The following PTPRR variants were observed in gnomAD, a reference collection of about 807,000 sequenced individuals.
PTPRR encodes receptor-type tyrosine-protein phosphatase R.
PTPRR carries 38 observed loss-of-function variants against 77.2 expected under a neutral mutation model. The observed-to-expected ratio is 0.49, with a 90% CI of 0.38 to 0.65. The LOEUF is 0.65. Ranked by LOEUF, PTPRR falls within the 30% of genes least tolerant of loss-of-function variation. PTPRR has a pLI of 0.00. For missense variants in PTPRR, 744 were observed against 799.2 expected (o/e 0.93, Z 0.83); for synonymous variants, 299 against 283.1 (o/e 1.06, Z -0.57).
chr12:70,729,919 G>T (rs893860018), intron 6 of PTPRR, among the ~76,000 whole-genome samples: 2 of 148,358 alleles, frequency 1.3e-5, no homozygotes, highest in African/African-American at 4.9e-5. Flanking sequence ...TGAGGATTTT[G>T]ACGTTCTAAT....
intron 2 of PTPRR, among the ~76,000 whole-genome samples, chr12:70,813,693 C>A (rs1252014352): frequency 1.3e-5 from 2 of 152,192 alleles, no homozygotes; most frequent in Non-Finnish European, 2.9e-5. Flanking sequence ...GCGTCACCAG[C>A]ACCTCAGCTT....
intron 2 of PTPRR, among the ~76,000 whole-genome samples, chr12:70,818,647 A>ATG (rs1891950417): frequency 6.6e-6 from 1 of 152,196 alleles, no homozygotes; most frequent in Non-Finnish European, 1.5e-5. Flanking sequence ...CATAGTTGTC[A>ATG]TGTTGCCTTA....
chr12:70,777,515 C>A (rs1022359000), intron 2 of PTPRR, among the ~76,000 whole-genome samples: 1 of 152,046 alleles, frequency 6.6e-6, no homozygotes, highest in African/African-American at 2.4e-5. Flanking sequence ...ATTCTCATAA[C>A]CTCCCAGTTT....
intron 2 of PTPRR, among the ~76,000 whole-genome samples, chr12:70,796,967 G>A (rs1040244260): frequency 1.1e-4 from 16 of 152,262 alleles, no homozygotes; most frequent in Admixed American, 2.6e-4. Flanking sequence ...GCTGTGAGCC[G>A]AGACTGCACC....
At chr12:70,843,222 CTT>C (rs1892426353) in intron 2 of PTPRR, among the ~76,000 whole-genome samples, 1 of 152,158 alleles carries the variant, frequency 6.6e-6, no homozygotes, top group African/African-American at 2.4e-5. Flanking sequence ...ATAAACTAGA[CTT>C]TGACTTCTGC....
Position 70,892,900 on chromosome 12 carries a change from G to A in PTPRR, c.136C>T (p.His46Tyr), listed in dbSNP as rs1238999751. Residue 46 changes from histidine to tyrosine, a missense_variant, in exon 2 of 14, where the codon CAT (histidine) becomes TAT (tyrosine). By Grantham distance (83) the His-to-Tyr change is moderately conservative. Around this residue, in one of 3 missense-constraint regions of PTPRR, gnomAD observed 570 missense variants for 573.2 expected, o/e 0.99. Transcript: ENST00000283228. Reference sequence around the variant, plus strand: ...AGGCTCTTCTCAATGTCTTGTGAATGCTTATAAATGAATACCGGCTTCCCA... The same window carrying A: ...AGGCTCTTCTCAATGTCTTGTGAATACTTATAAATGAATACCGGCTTCCCA... ...KSGKPVFIYKHSQDIEKSLDI... is the reference protein window; with the variant it reads ...KSGKPVFIYKYSQDIEKSLDI... 17 of 1,613,486 alleles carry A rather than the reference G, an allele frequency of 1.1e-5. No homozygotes were observed. The highest frequency in any genetic ancestry group is 1.7e-4 in the Middle Eastern group (1 of 6,060).
At chr12:70,748,529 T>G (rs1229401251) in intron 5 of PTPRR, among the ~76,000 whole-genome samples, 1 of 152,008 alleles carries the variant, frequency 6.6e-6, no homozygotes, top group African/African-American at 2.4e-5. Flanking sequence ...AATAAAGTCA[T>G]GTAATAATTT....
chr12:70,868,256 C>A (rs1251281101), intron 2 of PTPRR, among the ~76,000 whole-genome samples: 1 of 150,694 alleles, frequency 6.6e-6, no homozygotes, highest in Admixed American at 6.6e-5. Flanking sequence ...AGGCAACCTA[C>A]AAAATGGGAA....
chr12:70,737,477 A>G (rs1394321320), intron 6 of PTPRR, among the ~76,000 whole-genome samples: 1 of 140,762 alleles, frequency 7.1e-6, no homozygotes, highest in African/African-American at 2.9e-5. Context: ...TTATGGGTCT[A>G]TTTAATGAAT....
intron 2 of PTPRR, among the ~76,000 whole-genome samples, chr12:70,816,171 C>G (rs1424355064): frequency 6.6e-6 from 1 of 152,048 alleles, no homozygotes; most frequent in East Asian, 1.9e-4. Context: ...TTATCTAAAA[C>G]TTTATGACAA....
At chr12:70,834,685 T>C (rs1165537866) in intron 2 of PTPRR, among the ~76,000 whole-genome samples, 1 of 152,176 alleles carries the variant, frequency 6.6e-6, no homozygotes, top group Non-Finnish European at 1.5e-5. Context: ...AATATGTAAT[T>C]ATTGAATAGT....
intron 6 of PTPRR, among the ~76,000 whole-genome samples, chr12:70,716,595 T>C (rs188082234): frequency 2.4e-4 from 36 of 152,322 alleles, no homozygotes; most frequent in African/African-American, 8.7e-4. Context: ...ATGGTAACTT[T>C]TTTCAGCCAC....
chr12:70,665,035 GA>G (rs1886935667), intron 10 of PTPRR, among the ~76,000 whole-genome samples: 1 of 152,146 alleles, frequency 6.6e-6, no homozygotes, highest in Admixed American at 6.5e-5. Context: ...AAAAGAGGCA[GA>G]AAAGGCAGGG....
At chr12:70,899,025 T>C (rs1893484537) in intron 1 of PTPRR, among the ~76,000 whole-genome samples, 1 of 151,350 alleles carries the variant, frequency 6.6e-6, no homozygotes, top group Admixed American at 6.6e-5. Flanking sequence ...TCACCAAAGA[T>C]GAAATAAATA....
chr12:70,900,802 G>A (rs577338884), intron 1 of PTPRR, among the ~76,000 whole-genome samples: 3 of 151,576 alleles, frequency 2.0e-5, no homozygotes, highest in Non-Finnish European at 4.4e-5. Context: ...TTAGGAAAAT[G>A]CAAATTAAAG....
chr12:70,920,477 C>CT lies in PTPRR; in HGVS notation c.-88dup. ...ATTAGAAAGAGCCACCGCCAAGGGT[C>CT]TTCTAGTCTCCGGGATTCAGGTCCT... On this transcript the variant is annotated 5_prime_UTR_variant, in exon 1 of 14. Coordinates refer to ENST00000283228, the MANE Select transcript of PTPRR (RefSeq NM_002849.4). 7.6e-7 allele frequency: 1 copy of CT among 1,310,758 alleles called. No homozygotes were observed. The highest frequency in any genetic ancestry group is 1.1e-6 in the Non-Finnish European group (1 of 931,950). 81.2% of individuals were successfully genotyped at this position (1,310,758 alleles called of 1,614,324 possible).
chr12:70,740,316 T>C (rs1252082377), intron 6 of PTPRR, among the ~76,000 whole-genome samples: 1 of 151,904 alleles, frequency 6.6e-6, no homozygotes, highest in Non-Finnish European at 1.5e-5. Context: ...AGAATCAATA[T>C]GATTTGGCGA....
intron 13 of PTPRR, among the ~76,000 whole-genome samples, chr12:70,643,771 C>CT (rs11390699): frequency 0.18 from 26,699 of 151,082 alleles, 3,457 homozygotes; most frequent in African/African-American, 0.37. Context: ...CTTTTTCTTA[C>CT]TTTTTTTTTC....
chr12:70,638,497 T>C lies in PTPRR; in HGVS notation c.*687A>G, dbSNP rs1885849923. 6.6e-6 allele frequency: 1 copy of C among 152,622 alleles called. No homozygotes were observed. The highest frequency in any genetic ancestry group is 6.5e-5 in the Admixed American group (1 of 15,272). 9.5% of individuals were successfully genotyped at this position (152,622 alleles called of 1,614,324 possible). On this transcript the variant is annotated 3_prime_UTR_variant, in exon 14 of 14. Transcript: ENST00000283228. ...CAGAAGCCACCTTTATGCCCAATAA[T>C]AGAGAGTAAATACATATATACCCAA...
Sources: gnomAD v4.1 joint callset for allele counts (sites outside exome capture counted in the v4.1 genomes callset) on GRCh38, gnomAD v4.1.1 for gene constraint, gnomAD v4.1.1 regional missense constraint, MANE v1.5 for transcripts, NCBI Gene and HGNC (gene_info 2026-07-23, HGNC 2026-07-21) for gene names.